TNRC6A: variants seen among roughly 807,000 people sequenced by gnomAD.
The protein encoded by TNRC6A is trinucleotide repeat containing adaptor 6A, also known as trinucleotide repeat-containing gene 6A protein.
TNRC6A carries 44 observed loss-of-function variants against 221.2 expected under a neutral mutation model. The ratio of observed to expected loss-of-function variants is 0.20; its 90% CI spans 0.16 to 0.26. TNRC6A has a LOEUF of 0.26. TNRC6A is among the 10% of genes least tolerant of loss of function. The pLI is 1.00. For missense variants in TNRC6A, 2,199 were observed against 2,404.4 expected, an observed-to-expected ratio of 0.91 and a Z score of 1.79; for synonymous variants, 847 against 838.5, an observed-to-expected ratio of 1.01 and a Z score of -0.18.
At chr16:24,717,657 C>A (rs533274272) in intron 2 of TNRC6A, among the ~76,000 whole-genome samples, 1 of 151,926 alleles carries the variant, frequency 6.6e-6, no homozygotes, top group South Asian at 2.1e-4. Flanking sequence ...GAATCCAATT[C>A]TTGCTGACAG....
chr16:24,664,812 C>CACAAAAAA (rs747146748), intron 2 of TNRC6A: 2 of 439,326 alleles, frequency 4.6e-6, no homozygotes, highest in African/African-American at 4.4e-5. Context: ...CACACACACA[C>CACAAAAAA]AAAACCTATA....
chr16:24,640,710 CAAA>C (rs35368171), intron 1 of TNRC6A, among the ~76,000 whole-genome samples: 6 of 95,786 alleles, frequency 6.3e-5, no homozygotes, highest in Admixed American at 1.2e-4. Flanking sequence ...GCCTGGGCGA[CAAA>C]AAAAAAAAAA....
chr16:24,757,133 A>T (rs2057268640), intron 3 of TNRC6A, among the ~76,000 whole-genome samples: 2 of 150,232 alleles, frequency 1.3e-5, no homozygotes, highest in Non-Finnish European at 1.5e-5. Flanking sequence ...TTCCATCAAA[A>T]TTTTTTTTTT....
At chr16:24,797,469 C>G (rs1375075816) in intron 9 of TNRC6A, 21 bp from the exon 10 acceptor site, 2 of 1,592,010 alleles carry the variant, frequency 1.3e-6, no homozygotes, top group South Asian at 1.1e-5. Flanking sequence ...GGCATCTTTT[C>G]TACTCTTTTA....
intron 6 of TNRC6A, among the ~76,000 whole-genome samples, chr16:24,793,124 A>T (rs1399812271): frequency 6.6e-6 from 1 of 152,178 alleles, no homozygotes; most frequent in Non-Finnish European, 1.5e-5. Flanking sequence ...CACCCAGCTT[A>T]TCACCTGCTC....
intron 18 of TNRC6A, among the ~76,000 whole-genome samples, chr16:24,813,538 T>A (rs2058592449): frequency 6.6e-6 from 1 of 152,198 alleles, no homozygotes; most frequent in South Asian, 2.1e-4. Flanking sequence ...TCTTGGGATG[T>A]TTTGAGGATG....
intron 2 of TNRC6A, among the ~76,000 whole-genome samples, chr16:24,667,581 C>T (rs1237430141): frequency 6.6e-6 from 1 of 152,168 alleles, no homozygotes; most frequent in African/African-American, 2.4e-5. Flanking sequence ...CAATCTACCA[C>T]ATCTGGGAAA....
At chr16:24,683,815 C>T (rs1289714672) in intron 2 of TNRC6A, among the ~76,000 whole-genome samples, 1 of 152,086 alleles carries the variant, frequency 6.6e-6, no homozygotes, top group African/African-American at 2.4e-5. Context: ...CCTAGTGAGC[C>T]CTAGCAGGTA....
At chr16:24,771,693 C>G (rs1424917813) in intron 4 of TNRC6A, among the ~76,000 whole-genome samples, 1 of 151,988 alleles carries the variant, frequency 6.6e-6, no homozygotes, top group African/African-American at 2.4e-5. Flanking sequence ...AAGCGATCCT[C>G]CTGCCTCAGG....
At chr16:24,689,146 C>T (rs72768633) in intron 2 of TNRC6A, among the ~76,000 whole-genome samples, 2,712 of 152,248 alleles carry the variant, frequency 0.018, 32 homozygotes, top group Non-Finnish European at 0.03. Flanking sequence ...GTAAACGTAA[C>T]GAACTATTGT....
chr16:24,780,019 G>A (rs1400243748), intron 5 of TNRC6A, among the ~76,000 whole-genome samples: 1 of 151,424 alleles, frequency 6.6e-6, no homozygotes, highest in African/African-American at 2.4e-5. Flanking sequence ...ACCCCAAAGA[G>A]GTGAAATAAC....
At chr16:24,746,317 T>C (rs566705202) in intron 2 of TNRC6A, among the ~76,000 whole-genome samples, 1 of 152,262 alleles carries the variant, frequency 6.6e-6, no homozygotes, top group Non-Finnish European at 1.5e-5. Context: ...TCCCAGTACT[T>C]TGGTAGGCCG....
intron 4 of TNRC6A, among the ~76,000 whole-genome samples, chr16:24,768,106 A>G (rs2057511755): frequency 6.6e-6 from 1 of 152,170 alleles, no homozygotes; most frequent in Non-Finnish European, 1.5e-5. Context: ...TGGAAGAGAG[A>G]TTAATAGGCA....
chr16:24,792,465 TC>T (rs1280468081), intron 6 of TNRC6A, among the ~76,000 whole-genome samples: 1 of 152,120 alleles, frequency 6.6e-6, no homozygotes, highest in African/African-American at 2.4e-5. Flanking sequence ...GGGAGTGCTT[TC>T]ATGAGCTAAC....
At chr16:24,633,197 T>G (rs914512379) in intron 1 of TNRC6A, among the ~76,000 whole-genome samples, 1 of 152,088 alleles carries the variant, frequency 6.6e-6, no homozygotes, top group Non-Finnish European at 1.5e-5. Context: ...TTACCATATA[T>G]GCAGCTGCTT....
At chr16:24,613,958 A>G (rs1237445001) in intron 1 of TNRC6A, among the ~76,000 whole-genome samples, 4 of 152,168 alleles carry the variant, frequency 2.6e-5, no homozygotes, top group African/African-American at 9.7e-5. Flanking sequence ...GCTTCAAACA[A>G]CCATCACTTA....
chr16:24,742,427 T>G (rs1449849503), intron 2 of TNRC6A, among the ~76,000 whole-genome samples: 2 of 151,768 alleles, frequency 1.3e-5, no homozygotes, highest in Non-Finnish European at 2.9e-5. Context: ...AAAGGAAAAG[T>G]AACATATGGA....
intron 3 of TNRC6A, among the ~76,000 whole-genome samples, 191 bp downstream of exon 3, chr16:24,751,004 A>C (rs1366605076): frequency 6.6e-6 from 1 of 152,204 alleles, no homozygotes; most frequent in Non-Finnish European, 1.5e-5. Flanking sequence ...ATGCATATTT[A>C]ATCTTGTCAA....
At chr16:24,786,600 C>T (rs1003584066) in intron 5 of TNRC6A, among the ~76,000 whole-genome samples, 16 of 152,148 alleles carry the variant, frequency 1.1e-4, no homozygotes, top group African/African-American at 3.9e-4. Flanking sequence ...AGGCGTGAAC[C>T]ATCACGCCTG....
Sources: allele counts gnomAD v4.1 joint callset (sites outside exome capture counted in the v4.1 genomes callset), GRCh38; gene constraint gnomAD v4.1.1; transcripts MANE v1.5; gene names NCBI Gene and HGNC (gene_info 2026-07-23, HGNC 2026-07-21).